The following MTUS2 variants were observed in gnomAD, a reference collection of about 807,000 sequenced individuals.
MTUS2 encodes microtubule-associated tumor suppressor candidate 2.
A neutral mutation model predicts 114.1 loss-of-function variants in MTUS2; 40 were observed. That is an observed-to-expected ratio of 0.35 (90% CI 0.27 to 0.46). The LOEUF (loss-of-function observed/expected upper bound fraction) is 0.46, where lower values mean the gene tolerates loss of function less well. Ranked by LOEUF, MTUS2 falls within the 20% of genes least tolerant of loss-of-function variation. The probability of loss-of-function intolerance (pLI) is 1.00; values close to 1 mark genes in which losing one functional copy is unlikely to be tolerated. For synonymous variants in MTUS2, 688 were observed against 672.0 expected (o/e 1.02, Z -0.37); for missense variants, 1,679 against 1,705.4 (o/e 0.98, Z 0.27).
intron 4 of MTUS2, among the ~76,000 whole-genome samples, chr13:29,047,382 A>G (rs1325056999): frequency 6.6e-6 from 1 of 152,174 alleles, no homozygotes; most frequent in Non-Finnish European, 1.5e-5. Context: ...ATTCTGATGC[A>G]GCTGTTTTGA....
chr13:29,103,302 T>G (rs1308478964), intron 5 of MTUS2, among the ~76,000 whole-genome samples: 1 of 152,200 alleles, frequency 6.6e-6, no homozygotes. Context: ...CAAACCTAGA[T>G]GACATAGCCT....
At chr13:28,955,013 T>G (rs1882990020) in intron 2 of MTUS2, among the ~76,000 whole-genome samples, 1 of 151,978 alleles carries the variant, frequency 6.6e-6, no homozygotes, top group African/African-American at 2.4e-5. Context: ...CACTGTGGAG[T>G]CAGCAATCGA....
intron 1 of MTUS2, among the ~76,000 whole-genome samples, chr13:28,833,614 GA>G (rs2137959704): frequency 6.6e-6 from 1 of 152,192 alleles, no homozygotes; most frequent in Admixed American, 6.5e-5. Context: ...TCGTACTTGT[GA>G]AAGACTGTTT....
At chr13:29,263,106 G>C (rs554835087) in intron 5 of MTUS2, among the ~76,000 whole-genome samples, 2 of 152,328 alleles carry the variant, frequency 1.3e-5, no homozygotes, top group African/African-American at 4.8e-5. Context: ...AATGGGACTT[G>C]GGCAGAGCCT....
chr13:29,368,558 A>G (rs1870932285), intron 8 of MTUS2, among the ~76,000 whole-genome samples: 1 of 152,330 alleles, frequency 6.6e-6, no homozygotes, highest in East Asian at 1.9e-4. Flanking sequence ...CCCTGATTGG[A>G]TCATTAAACA....
chr13:29,020,440 C>T (rs1002259737), intron 2 of MTUS2, among the ~76,000 whole-genome samples: 21 of 152,064 alleles, frequency 1.4e-4, no homozygotes, highest in African/African-American at 4.3e-4. Context: ...AATTTAGATC[C>T]GGACAGAAAT....
At position 29,384,609 on chromosome 13, in the gene MTUS2, C is replaced by T. The variant is rs374469239; in HGVS notation, c.3117+25136C>T. 7.0e-4 allele frequency among the ~76,000 whole-genome samples: 106 copies of T among 152,314 alleles called. 2 individuals carry two copies. Among genetic ancestry groups the T allele is most frequent in the African/African-American group, 9.9e-4 (41 of 41,558 alleles). On this transcript the variant is annotated intron_variant, in intron 8 of 15. Coordinates refer to ENST00000612955, the MANE Select transcript of MTUS2 (RefSeq NM_001033602.4). ...TCTGCTACTCATGATTACCAAGGAC[C>T]GTGTTCTGTGTGGTTTGTTCCTCTT...
intron 5 of MTUS2, among the ~76,000 whole-genome samples, chr13:29,173,621 C>G (rs1178547395): frequency 6.6e-6 from 1 of 151,996 alleles, no homozygotes; most frequent in Non-Finnish European, 1.5e-5. Flanking sequence ...AATTATAGTT[C>G]AGGATGAATG....
At chr13:29,463,992 C>CAAAAG (rs61554197) in intron 9 of MTUS2, among the ~76,000 whole-genome samples, 4,675 of 151,790 alleles carry the variant, frequency 0.031, 158 homozygotes, top group African/African-American at 0.087. Context: ...GACTGTGTCT[C>CAAAAG]AAAAGAAAAG....
At chr13:28,925,619 A>G (rs327119) in intron 2 of MTUS2, among the ~76,000 whole-genome samples, 145,913 of 152,232 alleles carry the variant, frequency 0.96, 70,227 homozygotes, top group East Asian at 1. Context: ...TTAAGGACCC[A>G]GGGCTGAGTT....
intron 8 of MTUS2, among the ~76,000 whole-genome samples, chr13:29,389,341 G>GTGTGTATATGTGTATA (rs1566172446): frequency 1.3e-5 from 1 of 79,986 alleles, no homozygotes; most frequent in Non-Finnish European, 2.3e-5. Context: ...ATATATGTAT[G>GTGTGTATATGTGTATA]CACGTGTGTG....
intron 4 of MTUS2, among the ~76,000 whole-genome samples, chr13:29,081,927 G>A (rs1233742499): frequency 3.3e-5 from 5 of 152,150 alleles, no homozygotes; most frequent in Non-Finnish European, 4.4e-5. Context: ...CTTTTGGCCG[G>A]AGTATCCAGT....
At chr13:29,092,121 G>A (rs1438431933) in intron 4 of MTUS2, among the ~76,000 whole-genome samples, 1 of 152,200 alleles carries the variant, frequency 6.6e-6, no homozygotes, top group Non-Finnish European at 1.5e-5. Flanking sequence ...TGGGTTCCCA[G>A]TGAAACCACA....
At chr13:28,903,223 A>G (rs1173428158) in intron 2 of MTUS2, among the ~76,000 whole-genome samples, 1 of 152,020 alleles carries the variant, frequency 6.6e-6, no homozygotes, top group East Asian at 1.9e-4. Flanking sequence ...TGCTGGATAA[A>G]TAATTTGCAG....
intron 2 of MTUS2, among the ~76,000 whole-genome samples, chr13:28,887,992 C>G (rs1878690226): frequency 6.6e-6 from 1 of 152,190 alleles, no homozygotes; most frequent in Admixed American, 6.5e-5. Context: ...TCTCAGACAC[C>G]TTTTCTACCT....
At chr13:29,410,005 G>A (rs1009663319) in intron 8 of MTUS2, among the ~76,000 whole-genome samples, 5 of 152,108 alleles carry the variant, frequency 3.3e-5, no homozygotes, top group East Asian at 1.9e-4. Flanking sequence ...GAAAGTACAT[G>A]TATAGTTTTA....
intron 5 of MTUS2, among the ~76,000 whole-genome samples, chr13:29,245,531 C>T (rs959885176): frequency 2.0e-5 from 3 of 152,278 alleles, no homozygotes; most frequent in African/African-American, 7.2e-5. Context: ...CTTCAAGTCT[C>T]CTTCCATCCT....
chr13:29,496,559 G>T lies in MTUS2; in HGVS notation c.3580-679G>T, dbSNP rs1183055246. ...CTGCACCTTGAGGGCAGTGGAGGAG[G>T]AGATAGGGGAAGGACAGGTTCCGGT... On this transcript the variant is annotated intron_variant, in intron 12 of 15. Coordinates refer to ENST00000612955, the MANE Select transcript of MTUS2 (RefSeq NM_001033602.4). This position sits in a 1 kb window ranked among gnomAD's most constrained non-coding sequence, Gnocchi z 4.3. The T allele has an allele frequency of 6.5e-6, 1 of 152,938 alleles. No individual in the cohort carries two copies. The highest frequency in any genetic ancestry group is 2.4e-5 in the African/African-American group (1 of 41,464). The allele number at this position is 152,938 out of a possible 1,614,324, so 9.5% of individuals were successfully genotyped here. A position where few individuals can be genotyped will look rare whatever the true frequency, so the allele number is the denominator to read the frequency against.
At chr13:28,917,943 A>C (rs1254370677) in intron 2 of MTUS2, among the ~76,000 whole-genome samples, 1 of 151,650 alleles carries the variant, frequency 6.6e-6, no homozygotes, top group African/African-American at 2.4e-5. Context: ...TGTCAAGAAA[A>C]TTTTCAGTTT....
Sources: allele counts gnomAD v4.1 joint callset (sites outside exome capture counted in the v4.1 genomes callset), GRCh38; gene constraint gnomAD v4.1.1; non-coding constraint Gnocchi (gnomAD v3.1); transcripts MANE v1.5; gene names NCBI Gene and HGNC (gene_info 2026-07-23, HGNC 2026-07-21).